DNAH12: variants seen among roughly 807,000 people sequenced by gnomAD.
DNAH12 encodes dynein axonemal heavy chain 12.
In DNAH12, 285 loss-of-function variants were observed where a neutral mutation model predicts 371.5. The observed-to-expected ratio is 0.77, with a 90% CI of 0.70 to 0.85. DNAH12 has a LOEUF of 0.85. Among genes scored for constraint, DNAH12 ranks in the 40% least tolerant of loss-of-function variants. The probability of loss-of-function intolerance (pLI) is 0.00; values close to 1 mark genes in which losing one functional copy is unlikely to be tolerated. For synonymous variants in DNAH12, 1,200 were observed against 1,213.0 expected, an observed-to-expected ratio of 0.99 and a Z score of 0.22; for missense variants, 3,611 against 3,689.4, an observed-to-expected ratio of 0.98 and a Z score of 0.55.
At chr3:57,534,611 T>G (rs145401560) in intron 2 of DNAH12, among the ~76,000 whole-genome samples, 3,742 of 150,136 alleles carry the variant, frequency 0.025, 70 homozygotes, top group Middle Eastern at 0.038. Flanking sequence ...CAGGTTCCAG[T>G]GATTCTCCTG....
chr3:57,316,128 T>C, intron 65 of DNAH12, among the ~76,000 whole-genome samples: 1 of 126,596 alleles, frequency 7.9e-6, no homozygotes, highest in East Asian at 2.5e-4. Context: ...AAATAACCCC[T>C]TCCCCTTTTT....
intron 70 of DNAH12, among the ~76,000 whole-genome samples, chr3:57,300,925 G>A (rs536413674): frequency 8.2e-4 from 125 of 152,042 alleles, no homozygotes; most frequent in Non-Finnish European, 1.5e-3. Flanking sequence ...GCTGGGGGGA[G>A]GGCAGAGGGG....
At chr3:57,314,700 T>G in intron 65 of DNAH12, 69 bp from the exon 66 acceptor site, 8 of 1,434,576 alleles carry the variant, frequency 5.6e-6, no homozygotes, top group Non-Finnish European at 7.4e-6. Flanking sequence ...ATGAGAGGAA[T>G]AGATAAATGA....
chr3:57,502,491 A>G lies in DNAH12; in HGVS notation c.1087-12T>C. 7 of 1,611,808 alleles carry G rather than the reference A, an allele frequency of 4.3e-6. No homozygotes were observed. Among genetic ancestry groups the G allele is most frequent in the Non-Finnish European group, 5.9e-6 (7 of 1,178,094 alleles). On this transcript the variant is annotated splice_polypyrimidine_tract_variant and intron_variant, in intron 9 of 73. Coordinates refer to ENST00000495027, the MANE Select transcript of DNAH12 (RefSeq NM_001366028.2). The stretch of plus-strand genomic sequence containing the variant: ...ATTGTTTGGACATTCTAACACAAAT[A>G]AAAATAATAACAATGTATACAATAA...
chr3:57,426,179 T>C (rs904921756), intron 34 of DNAH12, among the ~76,000 whole-genome samples: 5 of 152,140 alleles, frequency 3.3e-5, no homozygotes, highest in African/African-American at 1.2e-4. Flanking sequence ...GGGGATTCTG[T>C]AGGATATGAA....
chr3:57,498,640 T>G (rs2067398364), intron 11 of DNAH12: 3 of 704,770 alleles, frequency 4.3e-6, no homozygotes, highest in Admixed American at 4.1e-5. Flanking sequence ...ATCTCAAATA[T>G]CCATCAAAAC....
At chr3:57,449,721 G>A (rs1376991524) in intron 25 of DNAH12, among the ~76,000 whole-genome samples, 4 of 152,154 alleles carry the variant, frequency 2.6e-5, no homozygotes, top group African/African-American at 9.7e-5. Context: ...TCCCGCTCGC[G>A]CCTCTCCCTC....
At chr3:57,491,898 C>T (rs1212216151) in intron 11 of DNAH12, among the ~76,000 whole-genome samples, 1 of 151,826 alleles carries the variant, frequency 6.6e-6, no homozygotes, top group East Asian at 1.9e-4. Flanking sequence ...CTCAGCTATT[C>T]AGAAGGCTGA....
chr3:57,351,807 T>C (rs2062681661), intron 60 of DNAH12, among the ~76,000 whole-genome samples: 1 of 152,180 alleles, frequency 6.6e-6, no homozygotes, highest in African/African-American at 2.4e-5. Context: ...GCTTCAAGGA[T>C]GGTGGGGAAA....
intron 17 of DNAH12, among the ~76,000 whole-genome samples, chr3:57,465,833 C>G (rs973862394): frequency 6.6e-5 from 10 of 151,978 alleles, no homozygotes; most frequent in African/African-American, 2.4e-4. Context: ...ATATAAAACA[C>G]TCTTAAATAT....
At chr3:57,536,025 C>T (rs141821612) in intron 2 of DNAH12, among the ~76,000 whole-genome samples, 1,596 of 151,400 alleles carry the variant, frequency 0.011, 20 homozygotes, top group African/African-American at 0.036. Flanking sequence ...TTAATAGAGA[C>T]GGGGTTTCAC....
Position 57,427,081 on chromosome 3 carries a change from A to G in DNAH12, c.5253+1552T>C, listed in dbSNP as rs575729998. Among the ~76,000 whole-genome samples, 28 of 150,864 alleles carry G rather than the reference A, an allele frequency of 1.9e-4. 2 individuals are homozygous for G. The South Asian group carries it at 5.7e-3, about 30-fold the overall frequency. ...TATGCCTAGAACATTTTAGGATAAAACTGAGTATCTCTTTCCCCTCTGTAT... is the reference window on the plus strand; with the variant it reads ...TATGCCTAGAACATTTTAGGATAAAGCTGAGTATCTCTTTCCCCTCTGTAT... On this transcript the variant is annotated intron_variant, in intron 34 of 73. Coordinates refer to ENST00000495027, the MANE Select transcript of DNAH12 (RefSeq NM_001366028.2).
chr3:57,388,188 C>T (rs972864621), intron 45 of DNAH12, among the ~76,000 whole-genome samples: 5 of 152,150 alleles, frequency 3.3e-5, no homozygotes, highest in African/African-American at 1.2e-4. Context: ...GAACCCTCTT[C>T]CCTCAGACCT....
intron 69 of DNAH12, among the ~76,000 whole-genome samples, chr3:57,305,403 C>T (rs903413376): frequency 7.9e-5 from 12 of 151,996 alleles, no homozygotes; most frequent in African/African-American, 2.9e-4. Flanking sequence ...TCCGCTCCTC[C>T]ACCCTATAAT....
At chr3:57,534,639 G>A (rs1412015369) in intron 2 of DNAH12, among the ~76,000 whole-genome samples, 1 of 150,714 alleles carries the variant, frequency 6.6e-6, no homozygotes. Flanking sequence ...ATCCCAAGTA[G>A]CTGAGATTAC....
chr3:57,511,059 C>A, intron 4 of DNAH12, 80 bp from the exon 5 acceptor site: 2 of 1,016,520 alleles, frequency 2.0e-6, no homozygotes, highest in African/African-American at 3.4e-5. Flanking sequence ...CTTCCTAAGA[C>A]AACATTTTTT....
In DNAH12 at chr3:57,309,140, T is replaced by A; in HGVS notation, c.11189+11A>T. ...GTTGCCTTCTGAATCACTGGGGATATAGATCCTTACTTGTTAAATCTTTCC... is the reference window on the plus strand; with the variant it reads ...GTTGCCTTCTGAATCACTGGGGATAAAGATCCTTACTTGTTAAATCTTTCC... On this transcript the variant is annotated intron_variant, in intron 69 of 73. Coordinates refer to ENST00000495027, the MANE Select transcript of DNAH12 (RefSeq NM_001366028.2). 1 of 1,512,618 alleles carries A rather than the reference T, an allele frequency of 6.6e-7. No homozygotes were observed. The highest frequency in any genetic ancestry group is 8.9e-7 in the Non-Finnish European group (1 of 1,122,550). The allele number at this position is 1,512,618 out of a possible 1,614,324, so 93.7% of individuals were successfully genotyped here.
intron 73 of DNAH12, 109 bp downstream of exon 73, chr3:57,295,416 G>T: frequency 1.4e-6 from 1 of 714,256 alleles, no homozygotes; most frequent in Non-Finnish European, 2.3e-6. Flanking sequence ...TATTATAATT[G>T]AGCTAGATCC....
intron 38 of DNAH12, 146 bp from the exon 39 acceptor site, chr3:57,414,058 A>T: frequency 1.3e-6 from 1 of 768,312 alleles, no homozygotes; most frequent in Non-Finnish European, 2.0e-6. Context: ...TATTTGCTTA[A>T]TTTATCAATG....
Sources: allele counts gnomAD v4.1 joint callset (sites outside exome capture counted in the v4.1 genomes callset), GRCh38; gene constraint gnomAD v4.1.1; transcripts MANE v1.5; gene names NCBI Gene and HGNC (gene_info 2026-07-23, HGNC 2026-07-21).